The following KIAA0825 variants were observed in gnomAD, a reference collection of about 807,000 sequenced individuals.
The protein encoded by KIAA0825 is uncharacterized protein KIAA0825.
Under a neutral mutation model 147.6 loss-of-function variants are expected in KIAA0825, and 119 were observed. That is an observed-to-expected ratio of 0.81 (90% confidence interval 0.69 to 0.94). KIAA0825 has a LOEUF of 0.94. Ranked by LOEUF, KIAA0825 falls within the 40% of genes least tolerant of loss-of-function variation. The probability of loss-of-function intolerance (pLI) is 0.00; values close to 1 mark genes in which losing one functional copy is unlikely to be tolerated. For missense variants in KIAA0825, 1,381 were observed against 1,472.7 expected (o/e 0.94, Z 1.02); for synonymous variants, 470 against 518.1 (o/e 0.91, Z 1.26).
Position 94,151,638 on chromosome 5 carries a change from A to G in KIAA0825, c.*2369T>C, listed in dbSNP as rs1179418819. On this transcript the variant is annotated 3_prime_UTR_variant, in exon 21 of 21. Coordinates refer to ENST00000682413, the MANE Select transcript of KIAA0825 (RefSeq NM_001145678.3). ...TTTAAACTCATCCCATTTTCCCCTTACTATACTTCCTTTCTTTCAAAAGGG... is the reference window on the plus strand; with the variant it reads ...TTTAAACTCATCCCATTTTCCCCTTGCTATACTTCCTTTCTTTCAAAAGGG... Among the ~76,000 whole-genome samples the G allele has an allele frequency of 6.6e-6, 1 of 151,970 alleles. No individual in the cohort carries two copies. Among genetic ancestry groups the G allele is most frequent in the Non-Finnish European group, 1.5e-5 (1 of 67,982 alleles).
At chr5:94,510,853 A>C (rs1766376401) in intron 5 of KIAA0825, among the ~76,000 whole-genome samples, 1 of 152,196 alleles carries the variant, frequency 6.6e-6, no homozygotes, top group Non-Finnish European at 1.5e-5. Flanking sequence ...GTGCAGAGAA[A>C]TCAGTTCATA....
At chr5:94,514,981 G>A (rs999969737) in intron 5 of KIAA0825, among the ~76,000 whole-genome samples, 12 of 152,094 alleles carry the variant, frequency 7.9e-5, no homozygotes, top group Admixed American at 3.9e-4. Flanking sequence ...AATATTCAAA[G>A]GTGTTTATCA....
At chr5:94,219,385 G>T (rs963570542) in intron 20 of KIAA0825, among the ~76,000 whole-genome samples, 2 of 152,106 alleles carry the variant, frequency 1.3e-5, no homozygotes, top group African/African-American at 4.8e-5. Context: ...CTCCTGCTGT[G>T]TGGCCTGGTC....
At chr5:94,342,052 C>T (rs186010498) in intron 20 of KIAA0825, among the ~76,000 whole-genome samples, 315 of 152,006 alleles carry the variant, frequency 2.1e-3, no homozygotes, top group Middle Eastern at 0.017. Context: ...AGAAGTTAGC[C>T]GGGCGTGGTG....
chr5:94,503,905 T>C (rs1765387492), intron 5 of KIAA0825, among the ~76,000 whole-genome samples: 1 of 152,142 alleles, frequency 6.6e-6, no homozygotes, highest in South Asian at 2.1e-4. Context: ...CTAGACTTCA[T>C]CTTTAGTTCA....
At chr5:94,604,426 A>T (rs1208036981) in intron 1 of KIAA0825, among the ~76,000 whole-genome samples, 1 of 152,122 alleles carries the variant, frequency 6.6e-6, no homozygotes, top group Non-Finnish European at 1.5e-5. Flanking sequence ...GGGCATGGTG[A>T]TGGGCACCTT....
intron 13 of KIAA0825, among the ~76,000 whole-genome samples, chr5:94,449,276 G>A (rs186979416): frequency 6.6e-6 from 1 of 152,290 alleles, no homozygotes; most frequent in East Asian, 1.9e-4. Flanking sequence ...AGCCAGGAGT[G>A]ACAGTGTGGG....
At chr5:94,197,148 A>T (rs530444696) in intron 20 of KIAA0825, among the ~76,000 whole-genome samples, 1 of 152,162 alleles carries the variant, frequency 6.6e-6, no homozygotes, top group Non-Finnish European at 1.5e-5. Flanking sequence ...TGACTTTTTA[A>T]TAATAGCCAT....
chr5:94,608,464 T>TGTGTGTGTGTGTGTG (rs1168359016), intron 1 of KIAA0825, among the ~76,000 whole-genome samples: 2 of 18,330 alleles, frequency 1.1e-4, no homozygotes, highest in African/African-American at 2.6e-4. Flanking sequence ...TATATATATA[T>TGTGTGTGTGTGTGTG]TATATATATA....
intron 20 of KIAA0825, among the ~76,000 whole-genome samples, chr5:94,341,538 GAGT>G (rs1358993287): frequency 6.6e-6 from 1 of 152,194 alleles, no homozygotes; most frequent in East Asian, 1.9e-4. Context: ...ATGGAGGGCT[GAGT>G]CCATAGATAA....
intron 2 of KIAA0825, among the ~76,000 whole-genome samples, chr5:94,557,714 T>C (rs1471889250): frequency 6.6e-6 from 1 of 152,198 alleles, no homozygotes; most frequent in Admixed American, 6.5e-5. Context: ...ATCTATCGCC[T>C]GAGAGCACAG....
Position 94,567,447 on chromosome 5 carries a change from T to C in KIAA0825, c.-2+14986A>G, listed in dbSNP as rs897115555. ...TTCTAAAATCCAAAAAGAAAGTGCA[T>C]AGTGTCATACTCAGACCCAAACATT... On this transcript the variant is annotated intron_variant, in intron 2 of 20. Transcript: ENST00000682413. 4 of 152,204 alleles carry C rather than the reference T, an allele frequency of 2.6e-5. No homozygotes were observed. In the South Asian group the frequency reaches 8.3e-4, roughly 31 times the overall value. The allele number at this position is 152,204 out of a possible 1,614,324, so 9.4% of individuals were successfully genotyped here. A position where few individuals can be genotyped will look rare whatever the true frequency, so the allele number is the denominator to read the frequency against.
chr5:94,440,422 T>G (rs578004382), intron 13 of KIAA0825, among the ~76,000 whole-genome samples: 7 of 152,340 alleles, frequency 4.6e-5, no homozygotes, highest in African/African-American at 1.7e-4. Flanking sequence ...GAAAAATTAC[T>G]TATGCATTTT....
intron 5 of KIAA0825, among the ~76,000 whole-genome samples, chr5:94,496,807 G>T (rs1164922355): frequency 1.3e-5 from 2 of 152,172 alleles, no homozygotes; most frequent in Non-Finnish European, 2.9e-5. Flanking sequence ...AATGGAGGTT[G>T]CCAGGTGGAG....
chr5:94,551,751 A>T (rs544541299), intron 2 of KIAA0825, among the ~76,000 whole-genome samples: 22 of 152,200 alleles, frequency 1.4e-4, no homozygotes, highest in African/African-American at 5.3e-4. Context: ...AACTACCACC[A>T]TGAAAATACT....
intron 2 of KIAA0825, among the ~76,000 whole-genome samples, chr5:94,565,066 GTCTC>G (rs1289856816): frequency 1.6e-5 from 1 of 64,268 alleles, no homozygotes; most frequent in Non-Finnish European, 3.1e-5. Context: ...TTTCTTTCCT[GTCTC>G]TCTTTCTCTC....
intron 16 of KIAA0825, among the ~76,000 whole-genome samples, chr5:94,399,046 T>C (rs145424218): frequency 2.0e-3 from 299 of 152,280 alleles, no homozygotes; most frequent in South Asian, 8.1e-3. Context: ...ATCCAACACA[T>C]ATTTGAACAA....
At chr5:94,448,038 C>T (rs1757949064) in intron 13 of KIAA0825, among the ~76,000 whole-genome samples, 1 of 151,720 alleles carries the variant, frequency 6.6e-6, no homozygotes, top group Admixed American at 6.6e-5. Context: ...TGATAAGAGG[C>T]ATTATAATGC....
chr5:94,456,265 A>T (rs1205408249), intron 12 of KIAA0825, among the ~76,000 whole-genome samples: 1 of 152,126 alleles, frequency 6.6e-6, no homozygotes, highest in Non-Finnish European at 1.5e-5. Flanking sequence ...GGGCCACTTC[A>T]TTCCTCTAAG....
Sources: gnomAD v4.1 joint callset for allele counts (sites outside exome capture counted in the v4.1 genomes callset) on GRCh38, gnomAD v4.1.1 for gene constraint, MANE v1.5 for transcripts, NCBI Gene and HGNC (gene_info 2026-07-23, HGNC 2026-07-21) for gene names.